Variants in DNAH7 observed in about 807,000 individuals in gnomAD.
DNAH7 encodes axonemal beta dynein heavy chain 7.
Under a neutral mutation model 444.6 loss-of-function variants are expected in DNAH7, and 397 were observed. The observed-to-expected ratio is 0.89, with a 90% CI of 0.82 to 0.97. The LOEUF (loss-of-function observed/expected upper bound fraction) is 0.97. DNAH7 is among the 50% of genes least tolerant of loss of function. The pLI, the probability that DNAH7 is intolerant of heterozygous loss-of-function variation, is 0.00. For synonymous variants in DNAH7, 1,636 were observed against 1,624.4 expected, an observed-to-expected ratio of 1.01 and a Z score of -0.17; for missense variants, 4,902 against 4,800.8, an observed-to-expected ratio of 1.02 and a Z score of -0.62.
chr2:195,792,394 TACACACACACACACACAC>T (rs59046004), intron 57 of DNAH7, among the ~76,000 whole-genome samples: 30 of 117,332 alleles, frequency 2.6e-4, no homozygotes, highest in African/African-American at 5.2e-4. Context: ...AACCAAAAAA[TACACACACACACACACAC>T]ACACACACAC....
Position 195,756,272 on chromosome 2 carries a change from A to G in DNAH7, c.11447T>C (p.Met3816Thr), listed in dbSNP as rs1694068665. The G allele has an allele frequency of 6.2e-7, 1 of 1,611,788 alleles. No homozygotes were observed. The highest frequency in any genetic ancestry group is 8.5e-7 in the Non-Finnish European group (1 of 1,178,620). ...AACCACTTCTTCAAGATCTGTAGAC[A>G]TGACTGCAAGCCCCTGAAACACATT... ...IQKAIKGLAV[M>T]STDLEEVVSS... Residue 3816 changes from methionine to threonine, a missense_variant, in exon 62 of 65, where the codon ATG becomes ACG. Physicochemically the swap from Met to Thr is moderately conservative, Grantham distance 81. Coordinates refer to ENST00000312428, the MANE Select transcript of DNAH7 (RefSeq NM_018897.3).
intron 15 of DNAH7, among the ~76,000 whole-genome samples, chr2:195,976,483 G>A (rs113141370): frequency 1.2e-3 from 184 of 152,230 alleles, no homozygotes; most frequent in African/African-American, 4.2e-3. Context: ...AGGGACACTC[G>A]GAGCTGGGGG....
At position 195,855,981 on chromosome 2, in the gene DNAH7, T is replaced by C. The variant is rs16841018; in HGVS notation, c.8425A>G (p.Ile2809Val). Residue 2809 changes from isoleucine to valine, a missense_variant, in exon 45 of 65, where the codon ATA becomes GTA. Coordinates refer to ENST00000312428, the MANE Select transcript of DNAH7 (RefSeq NM_018897.3). ...AMDSYDKVAK[I>V]VAPKKIKLAA... is the part of the protein sequence containing the mutation. The stretch of plus-strand genomic sequence containing the variant: ...AGTTTTATCTTTTTGGGAGCTACTA[T>C]TTTTGCCACTCTGCAAAAAGTAAAA... 148,259 of 1,608,784 alleles carry C rather than the reference T, an allele frequency of 0.092. 8,610 individuals carry two copies. Among genetic ancestry groups the C allele is most frequent in the African/African-American group, 0.27 (20,505 of 74,606 alleles).
intron 54 of DNAH7, among the ~76,000 whole-genome samples, chr2:195,802,538 G>A (rs181575758): frequency 6.6e-6 from 1 of 152,158 alleles, no homozygotes; most frequent in East Asian, 1.9e-4. Flanking sequence ...GCATGGTGGT[G>A]CATGTCTGTA....
rs151105671 is a variant in DNAH7, at chr2:195,756,587, C to T, written c.11434-302G>A. ...GGAGTGCAGTGGTGGGATCATGGCT[C>T]ACTGCAACCTCGACCTTCTGGGCTC... is the stretch of plus-strand genomic sequence containing the variant. On this transcript the variant is annotated intron_variant, in intron 61 of 64. Coordinates refer to ENST00000312428, the MANE Select transcript of DNAH7 (RefSeq NM_018897.3). Among the ~76,000 whole-genome samples, 622 of 152,134 alleles carry T rather than the reference C, an allele frequency of 4.1e-3. 2 individuals carry two copies. Among genetic ancestry groups the T allele is most frequent in the African/African-American group, 0.014 (591 of 41,494 alleles).
intron 49 of DNAH7, among the ~76,000 whole-genome samples, chr2:195,819,768 G>T: frequency 6.6e-6 from 1 of 152,168 alleles, no homozygotes; most frequent in East Asian, 1.9e-4. Context: ...GTGATCAGCA[G>T]TTAGTCAAGA....
In DNAH7 at chr2:195,845,056, T is replaced by C; in HGVS notation, c.8891A>G (p.Asn2964Ser). 1 of 1,613,914 alleles carries C rather than the reference T, an allele frequency of 6.2e-7. No homozygotes were observed. Among genetic ancestry groups the C allele is most frequent in the African/African-American group, 1.3e-5 (1 of 75,026 alleles). ...LGEAVTIRTW[N>S]IAGLPSDSFS... ...TGAGTCAGAAGGTAATCCAGCAATA[T>C]TCCAAGTTCGAATTGTCACAGCTTC... Residue 2964 changes from asparagine (N) to serine (S), a missense_variant, in exon 47 of 65, where the codon AAT (asparagine) becomes AGT (serine). Coordinates refer to ENST00000312428, the MANE Select transcript of DNAH7 (RefSeq NM_018897.3).
Position 195,738,099 on chromosome 2 carries a change from T to C in DNAH7, c.11897A>G (p.Asp3966Gly), listed in dbSNP as rs777236267. ...VMWLKPCKRA[D>G]IPKRPSYVAP... ...AACATAACTTGGCCGTTTTGGTATA[T>C]CTGCCCTCTTACAGGGCTTTAGCCA... is the stretch of plus-strand genomic sequence containing the variant. Residue 3966 changes from aspartate to glycine, a missense_variant, in exon 65 of 65, where the codon GAT becomes GGT. By Grantham distance (94) the Asp-to-Gly change is moderately conservative (BLOSUM62 -1). Transcript: ENST00000312428. 6.2e-7 allele frequency: 1 copy of C among 1,613,924 alleles called. No homozygotes were observed.
Position 195,960,470 on chromosome 2 carries a change from G to A in DNAH7, c.2681C>T (p.Ala894Val), listed in dbSNP as rs750091634. ...YIDRFEGISE[A>V]ASKEYSLEKA... is the part of the protein sequence containing the mutation. The stretch of plus-strand genomic sequence containing the variant: ...TTCAAGAGAATATTCTTTGCTAGCT[G>A]CTTCACTAATACCTTCAAATCGGTC... The change falls in exon 18 of 65, where the codon GCA becomes GTA. Residue 894 changes from alanine (A) to valine (V), a missense_variant. By Grantham distance (64) the Ala-to-Val change is moderately conservative. Coordinates refer to ENST00000312428, the MANE Select transcript of DNAH7 (RefSeq NM_018897.3). The A allele has an allele frequency of 2.0e-5, 32 of 1,614,018 alleles. No homozygotes were observed. Among genetic ancestry groups the A allele is most frequent in the African/African-American group, 2.7e-5 (2 of 74,912 alleles).
rs769967069 is a variant in DNAH7 at position 195,895,207 on chromosome 2, C to A, written c.4665G>T (p.Leu1555Phe). 3.1e-6 allele frequency: 5 copies of A among 1,607,070 alleles called. No homozygotes were observed. In the South Asian group the frequency reaches 4.4e-5, roughly 14 times the overall value. ...GTTTTGGTAATTTTACCCCAGGAAA[C>A]AAATCCGAAGTAATTCCCTGATGAT... ...LPLFEGITSD[L>F]FPGVKLPKPD... Residue 1555 changes from leucine (L) to phenylalanine (F), a missense_variant, in exon 30 of 65, where the codon TTG becomes TTT. Physicochemically the swap from Leu to Phe is conservative, Grantham distance 22 (BLOSUM62 0). Transcript: ENST00000312428.
chr2:195,841,763 G>T (rs1574538379), intron 47 of DNAH7, among the ~76,000 whole-genome samples: 1 of 151,624 alleles, frequency 6.6e-6, no homozygotes, highest in East Asian at 1.9e-4. Context: ...ATCTACAAAG[G>T]CTTTAAAATC....
chr2:196,020,305 G>A (rs185508173), intron 8 of DNAH7, among the ~76,000 whole-genome samples: 1 of 152,024 alleles, frequency 6.6e-6, no homozygotes, highest in Non-Finnish European at 1.5e-5. Context: ...TGGTATAGGA[G>A]CTCAGTGGCC....
At chr2:195,985,419 T>C (rs866701699) in intron 14 of DNAH7, among the ~76,000 whole-genome samples, 10 of 152,112 alleles carry the variant, frequency 6.6e-5, no homozygotes, top group African/African-American at 1.7e-4. Context: ...ATAAGGAATA[T>C]AGAAGGGATA....
rs751301408 is a variant in DNAH7 at position 195,775,845 on chromosome 2, C to T, written c.11202+1G>A. 18 of 1,613,758 alleles carry T rather than the reference C, an allele frequency of 1.1e-5. No homozygotes were observed. Among genetic ancestry groups the T allele is most frequent in the Non-Finnish European group, 1.4e-5 (17 of 1,179,794 alleles). On this transcript the variant is annotated splice_donor_variant, in intron 60 of 64. Transcript: ENST00000312428. LOFTEE classifies it high-confidence loss of function. ...ATCCAGGTCCTATACAGATCACACA[C>T]CTGTGTAAGAAGAATGTTATCAAAT...
At chr2:195,948,268 T>A (rs1020630698) in intron 19 of DNAH7, among the ~76,000 whole-genome samples, 1 of 152,242 alleles carries the variant, frequency 6.6e-6, no homozygotes, top group East Asian at 1.9e-4. Flanking sequence ...GATAGTTTAT[T>A]TTGCTGTGCA....
chr2:195,932,911 T>G (rs986474237), intron 21 of DNAH7, among the ~76,000 whole-genome samples: 16 of 152,168 alleles, frequency 1.1e-4, no homozygotes, highest in African/African-American at 3.9e-4. Flanking sequence ...CAGGCTTTGG[T>G]AGCAGGATGA....
rs368212522 is a variant in DNAH7, at chr2:195,957,284, C to A, written c.3055G>T (p.Asp1019Tyr). 10 of 1,564,754 alleles carry A rather than the reference C, an allele frequency of 6.4e-6. No homozygotes were observed. The highest frequency in any genetic ancestry group is 8.7e-6 in the Non-Finnish European group (10 of 1,146,924). ...ACCTGCATGACACTTCTCATTATAT[C>A]TCTCCATGTCTTATCCACAGCTGTA... ...RFTAVDKTWR[D>Y]IMRSVMQDKH... The change falls in exon 19 of 65, where the codon GAT becomes TAT. Residue 1019 changes from aspartate (D) to tyrosine (Y), a missense_variant. Transcript: ENST00000312428.
intron 43 of DNAH7, 90 bp downstream of exon 43, chr2:195,858,384 G>T: frequency 4.7e-6 from 5 of 1,068,584 alleles, no homozygotes; most frequent in South Asian, 2.7e-5. Flanking sequence ...AGGCTAATTC[G>T]GAGAGACAAA....
chr2:196,006,474 C>T (rs1287490797), intron 10 of DNAH7, among the ~76,000 whole-genome samples: 1 of 151,516 alleles, frequency 6.6e-6, no homozygotes, highest in Non-Finnish European at 1.5e-5. Flanking sequence ...CAAAATCTAA[C>T]ACTACATGAT....
Sources: gnomAD v4.1 joint callset for allele counts (sites outside exome capture counted in the v4.1 genomes callset) on GRCh38, gnomAD v4.1.1 for gene constraint, MANE v1.5 for transcripts, NCBI Gene and HGNC (gene_info 2026-07-23, HGNC 2026-07-21) for gene names.